Variants in CHMP7 observed in about 807,000 individuals in gnomAD.
CHMP7 encodes the protein charged multivesicular body protein 7.
In CHMP7, 15 loss-of-function variants were observed where a neutral mutation model predicts 53.7. The ratio of observed to expected loss-of-function variants is 0.28; its 90% CI spans 0.19 to 0.43. The LOEUF is 0.43. Ranked by LOEUF, CHMP7 falls within the 20% of genes least tolerant of loss-of-function variation. The probability of loss-of-function intolerance (pLI) is 1.00; values close to 1 mark genes in which losing one functional copy is unlikely to be tolerated. For missense variants in CHMP7, 527 were observed against 569.4 expected (o/e 0.93, Z 0.76); for synonymous variants, 261 against 228.0 (o/e 1.14, Z -1.30).
chr8:23,260,457 G>T, intron 10 of CHMP7, 81 bp from the exon 11 acceptor site: 1 of 1,511,952 alleles, frequency 6.6e-7, no homozygotes, highest in Admixed American at 1.7e-5. Context: ...TTTATATTAA[G>T]ACTCAGTCTC....
In CHMP7 at chr8:23,258,527, T is replaced by C. The variant is rs540640725; in HGVS notation, c.960+78T>C. 79 of 1,581,264 alleles carry C rather than the reference T, an allele frequency of 5.0e-5. No homozygotes were observed. The East Asian group carries it at 1.6e-3, about 33-fold the overall frequency. On this transcript the variant is annotated intron_variant, in intron 7 of 10. Coordinates refer to ENST00000397677, the MANE Select transcript of CHMP7 (RefSeq NM_152272.5). ...TCACTTGCAGCTTCGGCTTGGCTGT[T>C]TGGAGGATCCCTGGGTTCTTTCGGG...
At chr8:23,259,386 A>G (rs1336385412) in intron 9 of CHMP7, among the ~76,000 whole-genome samples, 20 of 143,776 alleles carry the variant, frequency 1.4e-4, no homozygotes, top group Non-Finnish European at 2.9e-4. Flanking sequence ...TTTTAGATGG[A>G]GTCTCACTCT....
At chr8:23,245,805 A>C (rs750370363) in intron 1 of CHMP7, among the ~76,000 whole-genome samples, 3 of 152,162 alleles carry the variant, frequency 2.0e-5, no homozygotes, top group Non-Finnish European at 4.4e-5. Context: ...ATTAGATATA[A>C]ACATATTCAA....
intron 6 of CHMP7, 21 bp downstream of exon 6, chr8:23,258,102 G>T (rs752325552): frequency 3.1e-6 from 5 of 1,606,434 alleles, no homozygotes; most frequent in Non-Finnish European, 4.3e-6. Context: ...GTCTCCTCCA[G>T]ACCCATAGCA....
chr8:23,251,609 G>A (rs1302660696), intron 3 of CHMP7, among the ~76,000 whole-genome samples: 3 of 152,178 alleles, frequency 2.0e-5, no homozygotes, highest in Non-Finnish European at 2.9e-5. Flanking sequence ...GCACAGACAC[G>A]TGTACACATC....
chr8:23,244,802 AT>A (rs1254189925), intron 1 of CHMP7, among the ~76,000 whole-genome samples: 8 of 152,210 alleles, frequency 5.3e-5, no homozygotes, highest in Admixed American at 5.2e-4. Flanking sequence ...TTAGTCCTTC[AT>A]AGATTTCTTT....
At chr8:23,251,714 G>A (rs898756190) in intron 3 of CHMP7, among the ~76,000 whole-genome samples, 1 of 152,186 alleles carries the variant, frequency 6.6e-6, no homozygotes. Context: ...GCCCTACACA[G>A]TATGGATTTA....
chr8:23,246,654 G>A lies in CHMP7; in HGVS notation c.-42G>A, dbSNP rs927165576. The A allele has an allele frequency of 3.3e-6, 5 of 1,523,998 alleles. No individual in the cohort carries two copies. Among genetic ancestry groups the A allele is most frequent in the Non-Finnish European group, 4.4e-6 (5 of 1,130,340 alleles). The allele number at this position is 1,523,998 out of a possible 1,614,324, so 94.4% of individuals were successfully genotyped here. On this transcript the variant is annotated 5_prime_UTR_variant, in exon 2 of 11. Transcript: ENST00000397677. Reference sequence around the variant, plus strand: ...GGGAACGAGGGCGGAAGCGGACCAGGGCCAGGCTTGTGTTCGCAGCCTTGC... The same window carrying A: ...GGGAACGAGGGCGGAAGCGGACCAGAGCCAGGCTTGTGTTCGCAGCCTTGC...
chr8:23,250,143 CT>C (rs780502278), intron 3 of CHMP7, among the ~76,000 whole-genome samples: 1 of 152,200 alleles, frequency 6.6e-6, no homozygotes, highest in Non-Finnish European at 1.5e-5. Context: ...CCTTATTTTT[CT>C]TTCTCTCTGT....
chr8:23,259,044 G>C (rs376259485), intron 8 of CHMP7, 22 bp from the exon 9 acceptor site: 303 of 1,566,080 alleles, frequency 1.9e-4, no homozygotes, highest in Non-Finnish European at 2.6e-4. Flanking sequence ...CCAGCTCAAG[G>C]CTTTGCACTT....
chr8:23,250,015 G>A (rs73224412), intron 3 of CHMP7, among the ~76,000 whole-genome samples: 22,933 of 152,138 alleles, frequency 0.15, 2,339 homozygotes, highest in Middle Eastern at 0.23. Flanking sequence ...CAGCAGATCC[G>A]TAGCCCTCGA....
intron 1 of CHMP7, among the ~76,000 whole-genome samples, chr8:23,244,229 C>T (rs560761666): frequency 1.7e-4 from 26 of 151,942 alleles, no homozygotes; most frequent in Admixed American, 4.6e-4. Context: ...ATCATGATGC[C>T]CAAGGTCATC....
At chr8:23,245,159 G>A (rs896866674) in intron 1 of CHMP7, among the ~76,000 whole-genome samples, 2 of 152,222 alleles carry the variant, frequency 1.3e-5, no homozygotes, top group South Asian at 2.1e-4. Flanking sequence ...AGGATTTCCC[G>A]TACAGTGTTG....
chr8:23,258,110 G>A (rs1563411281), intron 6 of CHMP7, 29 bp downstream of exon 6: 2 of 1,597,212 alleles, frequency 1.3e-6, no homozygotes, highest in South Asian at 2.2e-5. Context: ...CAGACCCATA[G>A]CAGTGCCCCA....
chr8:23,250,893 A>G (rs73224413), intron 3 of CHMP7, among the ~76,000 whole-genome samples: 27,976 of 151,818 alleles, frequency 0.18, 3,152 homozygotes, highest in Middle Eastern at 0.29. Context: ...AAATCTGCCA[A>G]TCTCTCCCTG....
At chr8:23,260,120 C>T (rs764452572) in intron 9 of CHMP7, 24 bp from the exon 10 acceptor site, 3 of 1,604,186 alleles carry the variant, frequency 1.9e-6, no homozygotes, top group Admixed American at 3.3e-5. Context: ...GTTTATGCAT[C>T]TTTATGTTGT....
intron 3 of CHMP7, among the ~76,000 whole-genome samples, chr8:23,249,647 G>T (rs1434796302): frequency 6.6e-6 from 1 of 152,194 alleles, no homozygotes; most frequent in East Asian, 1.9e-4. Flanking sequence ...ATGTTAAGCA[G>T]CAGTTTAGGA....
chr8:23,251,180 G>T (rs1801915961), intron 3 of CHMP7, among the ~76,000 whole-genome samples: 2 of 152,262 alleles, frequency 1.3e-5, no homozygotes, highest in Admixed American at 1.3e-4. Flanking sequence ...GTTTGTACTG[G>T]CAAACAAAGA....
In CHMP7 at chr8:23,261,399, G is replaced by C. The variant is rs1802383731; in HGVS notation, c.*800G>C. The C allele has an allele frequency of 6.6e-6, 1 of 152,596 alleles. No homozygotes were observed. Among genetic ancestry groups the C allele is most frequent in the Admixed American group, 6.5e-5 (1 of 15,284 alleles). 9.5% of individuals were successfully genotyped at this position (152,596 alleles called of 1,614,324 possible). A position where few individuals can be genotyped will look rare whatever the true frequency, so the allele number is the denominator to read the frequency against. On this transcript the variant is annotated 3_prime_UTR_variant, in exon 11 of 11. Coordinates refer to ENST00000397677, the MANE Select transcript of CHMP7 (RefSeq NM_152272.5). ...CCTTATGCAAAGAGGCAAAATTGTTGCCTTGGCCCCATCATGGAGTAACTT... is the reference window on the plus strand; with the variant it reads ...CCTTATGCAAAGAGGCAAAATTGTTCCCTTGGCCCCATCATGGAGTAACTT...
Sources: allele counts gnomAD v4.1 joint callset (sites outside exome capture counted in the v4.1 genomes callset), GRCh38; gene constraint gnomAD v4.1.1; transcripts MANE v1.5; gene names NCBI Gene and HGNC (gene_info 2026-07-23, HGNC 2026-07-21).